Variants in TCF15 observed in about 807,000 individuals in gnomAD.
TCF15 encodes the protein TCF-15.
Under a neutral mutation model 11.1 loss-of-function variants are expected in TCF15, and 7 were observed. That is an observed-to-expected ratio of 0.63 (90% CI 0.36 to 1.19). The LOEUF is 1.19. TCF15 is among the 50% of genes most tolerant of loss of function. The pLI is 0.02. For missense variants in TCF15, 288 were observed against 289.4 expected, an observed-to-expected ratio of 1.00 and a Z score of 0.03; for synonymous variants, 144 against 138.9, an observed-to-expected ratio of 1.04 and a Z score of -0.26.
Position 610,155 on chromosome 20 carries a change from C to A in TCF15, c.83G>T (p.Arg28Leu), listed in dbSNP as rs1282936580. 2 of 1,042,972 alleles carry A rather than the reference C, an allele frequency of 1.9e-6. No homozygotes were observed. Among genetic ancestry groups the A allele is most frequent in the South Asian group, 2.9e-5 (1 of 33,944 alleles). The allele number at this position is 1,042,972 out of a possible 1,614,324, so 64.6% of individuals were successfully genotyped here. The change falls in exon 1 of 2, where the codon CGC (arginine) becomes CTC (leucine). Residue 28 changes from arginine (R) to leucine (L), a missense_variant. Physicochemically the swap from Arg to Leu is moderately radical, Grantham distance 102. Coordinates refer to ENST00000246080, the MANE Select transcript of TCF15 (RefSeq NM_004609.4). ...VRLLSEDEEN[R>L]SESDASDQSF... is the part of the protein sequence containing the mutation. ...CTGGTCCGACGCGTCGCTCTCGCTGCGGTTCTCCTCGTCCTCGCTCAGCAG... is the reference window on the plus strand; with the variant it reads ...CTGGTCCGACGCGTCGCTCTCGCTGAGGTTCTCCTCGTCCTCGCTCAGCAG...
At chr20:607,735 C>G (rs1272780378) in intron 1 of TCF15, among the ~76,000 whole-genome samples, 1 of 152,192 alleles carries the variant, frequency 6.6e-6, no homozygotes, top group Non-Finnish European at 1.5e-5. Flanking sequence ...ATGACAGTTA[C>G]AGGGACTTCC....
intron 1 of TCF15, among the ~76,000 whole-genome samples, chr20:608,166 T>C (rs2019992218): frequency 6.6e-6 from 1 of 152,146 alleles, no homozygotes; most frequent in Non-Finnish European, 1.5e-5. Context: ...TTCTCTGGGC[T>C]CTGAGAATCC....
chr20:607,887 G>T (rs1216260564), intron 1 of TCF15, among the ~76,000 whole-genome samples: 4 of 152,204 alleles, frequency 2.6e-5, no homozygotes, highest in African/African-American at 9.7e-5. Flanking sequence ...GCTGTTGCAG[G>T]ATTTTAATGA....
rs2019954510 is a variant in TCF15, at chr20:604,354, C to A, written c.*237G>T. ...ACACACACACCCTGTCACCAACAGT[C>A]TTTGTTTTTCCAAAAGTTCTGCCTT... On this transcript the variant is annotated 3_prime_UTR_variant, in exon 2 of 2. Transcript: ENST00000246080. This position sits in a 1 kb window ranked among gnomAD's most constrained non-coding sequence, Gnocchi z 4.2. 3.4e-6 allele frequency: 2 copies of A among 591,748 alleles called. No individual in the cohort carries two copies. Among genetic ancestry groups the A allele is most frequent in the South Asian group, 4.0e-5 (2 of 50,486 alleles). 36.7% of individuals were successfully genotyped at this position (591,748 alleles called of 1,614,324 possible).
chr20:604,619 A>G lies in TCF15; in HGVS notation c.572T>C (p.Val191Ala). 1 of 1,551,338 alleles carries G rather than the reference A, an allele frequency of 6.4e-7. No individual in the cohort carries two copies. Among genetic ancestry groups the G allele is most frequent in the Non-Finnish European group, 8.7e-7 (1 of 1,147,448 alleles). Residue 191 changes from valine to alanine, a missense_variant, in exon 2 of 2, where the codon GTG becomes GCG. Val to Ala is a moderately conservative substitution (Grantham distance 64). Transcript: ENST00000246080. The surrounding 1 kb of genome is among the most constrained non-coding windows in gnomAD (Gnocchi z 4.2). ...TCTCCGTGGCCCTCGAAGGGGGGCC[A>G]CCCCCCTCACCTTCAAGCAGCTGCC... Reference protein sequence around the residue: ...LGGSCLKVRGVAPLRGPRR With the variant: ...LGGSCLKVRGAAPLRGPRR
chr20:604,454 G>C lies in TCF15; in HGVS notation c.*137C>G. The C allele has an allele frequency of 1.3e-6, 1 of 787,818 alleles. No individual in the cohort carries two copies. Among genetic ancestry groups the C allele is most frequent in the Non-Finnish European group, 2.2e-6 (1 of 462,800 alleles). The allele number at this position is 787,818 out of a possible 1,614,324, so 48.8% of individuals were successfully genotyped here. ...CCAGGATCGGGTGGAGATGTCCCGAGGGCCCTGCCCAGAGTGTCCCGGAAC... is the reference window on the plus strand; with the variant it reads ...CCAGGATCGGGTGGAGATGTCCCGACGGCCCTGCCCAGAGTGTCCCGGAAC... On this transcript the variant is annotated 3_prime_UTR_variant, in exon 2 of 2. Coordinates refer to ENST00000246080, the MANE Select transcript of TCF15 (RefSeq NM_004609.4). The surrounding 1 kb of genome is among the most constrained non-coding windows in gnomAD (Gnocchi z 4.2).
Position 604,621 on chromosome 20 carries a change from C to T in TCF15, c.570G>A (p.Gly190=), listed in dbSNP as rs1481788990. Residue 190 remains glycine (G), a synonymous_variant, in exon 2 of 2, where the codon GGG becomes GGA. Transcript: ENST00000246080. The surrounding 1 kb of genome is among the most constrained non-coding windows in gnomAD (Gnocchi z 4.2). ...TCCGTGGCCCTCGAAGGGGGGCCAC[C>T]CCCCTCACCTTCAAGCAGCTGCCCC... The part of the protein sequence containing the change: ...DLGGSCLKVR[G]VAPLRGPRR 1 of 1,553,854 alleles carries T rather than the reference C, an allele frequency of 6.4e-7. No individual in the cohort carries two copies. The highest frequency in any genetic ancestry group is 1.4e-5 in the African/African-American group (1 of 73,104).
chr20:609,383 G>A lies in TCF15; in HGVS notation c.525+330C>T, dbSNP rs1600450531. 6.6e-6 allele frequency among the ~76,000 whole-genome samples: 1 copy of A among 152,228 alleles called. No individual in the cohort carries two copies. The highest frequency in any genetic ancestry group is 6.5e-5 in the Admixed American group (1 of 15,286). On this transcript the variant is annotated intron_variant, in intron 1 of 1. Transcript: ENST00000246080. This position sits in a 1 kb window ranked among gnomAD's most constrained non-coding sequence, Gnocchi z 4.7. ...GGATGTGGAGCGCATCGGCACAGAG[G>A]AAGACTCCATAAAAGATGGGTCTTT...
intron 1 of TCF15, among the ~76,000 whole-genome samples, chr20:608,541 G>A (rs1219281144): frequency 1.3e-5 from 2 of 152,188 alleles, no homozygotes; most frequent in Non-Finnish European, 2.9e-5. Flanking sequence ...GAAGACCGAC[G>A]ATTCAGGGCA....
chr20:605,340 G>A (rs2019964489), intron 1 of TCF15, among the ~76,000 whole-genome samples: 1 of 152,208 alleles, frequency 6.6e-6, no homozygotes, highest in African/African-American at 2.4e-5. Flanking sequence ...CCTTTAAAAG[G>A]GGACTCGGTT....
At position 604,551 on chromosome 20, in the gene TCF15, C is replaced by G. The variant is rs1408084338; in HGVS notation, c.*40G>C. 1.3e-6 allele frequency: 2 copies of G among 1,535,350 alleles called. No homozygotes were observed. The highest frequency in any genetic ancestry group is 2.7e-5 in the African/African-American group (2 of 72,836). ...TCCTGGGGTCTTCTTCCCTGTCCAG[C>G]CAGTGGCTGGCTCCTGGCCTCCTTC... On this transcript the variant is annotated 3_prime_UTR_variant, in exon 2 of 2. Coordinates refer to ENST00000246080, the MANE Select transcript of TCF15 (RefSeq NM_004609.4). The surrounding 1 kb of genome is among the most constrained non-coding windows in gnomAD (Gnocchi z 4.2).
Position 604,795 on chromosome 20 carries a change from CAACAGAA to C in TCF15, c.526-137_526-131del. 1.3e-6 allele frequency: 1 copy of C among 749,338 alleles called. No homozygotes were observed. Among genetic ancestry groups the C allele is most frequent in the Non-Finnish European group, 2.2e-6 (1 of 463,768 alleles). 46.4% of individuals were successfully genotyped at this position (749,338 alleles called of 1,614,324 possible). A position where few individuals can be genotyped will look rare whatever the true frequency, so the allele number is the denominator to read the frequency against. The stretch of plus-strand genomic sequence containing the variant: ...TTCAGCCACACGATCAAGTTCTCTG[CAACAGAA>C]AGCAGAAGAAACCCTTTCTGGACTG... On this transcript the variant is annotated intron_variant, in intron 1 of 1. Coordinates refer to ENST00000246080, the MANE Select transcript of TCF15 (RefSeq NM_004609.4). The surrounding 1 kb of genome is among the most constrained non-coding windows in gnomAD (Gnocchi z 4.2).
chr20:608,943 C>T (rs974838392), intron 1 of TCF15, among the ~76,000 whole-genome samples: 4 of 152,222 alleles, frequency 2.6e-5, no homozygotes, highest in African/African-American at 9.6e-5. Context: ...CCGCCCACCC[C>T]TACCAGCCTG....
Position 609,464 on chromosome 20 carries a change from C to A in TCF15, c.525+249G>T, listed in dbSNP as rs995375737. On this transcript the variant is annotated intron_variant, in intron 1 of 1. Coordinates refer to ENST00000246080, the MANE Select transcript of TCF15 (RefSeq NM_004609.4). This position sits in a 1 kb window ranked among gnomAD's most constrained non-coding sequence, Gnocchi z 4.7. The stretch of plus-strand genomic sequence containing the variant: ...AGGAAGGAAGTTCCAGCACACCTTT[C>A]GTTGGAGGGGATATCCCACACTGAG... Among the ~76,000 whole-genome samples the A allele has an allele frequency of 2.0e-5, 3 of 152,182 alleles. No individual in the cohort carries two copies. Among genetic ancestry groups the A allele is most frequent in the Non-Finnish European group, 4.4e-5 (3 of 68,038 alleles).
chr20:605,506 AG>A, intron 1 of TCF15, among the ~76,000 whole-genome samples: 1 of 152,366 alleles, frequency 6.6e-6, no homozygotes, highest in East Asian at 1.9e-4. Context: ...AGGACAAGGC[AG>A]GGTCTCTCCT....
rs370108505 is a variant in TCF15, at chr20:610,047, C to T, written c.191G>A (p.Gly64Asp). 2.3e-5 allele frequency: 26 copies of T among 1,126,022 alleles called. No homozygotes were observed. The East Asian group carries it at 3.6e-4, about 15-fold the overall frequency. The allele number at this position is 1,126,022 out of a possible 1,614,324, so 69.8% of individuals were successfully genotyped here. A position where few individuals can be genotyped will look rare whatever the true frequency, so the allele number is the denominator to read the frequency against. The change falls in exon 1 of 2, where the codon GGC becomes GAC. Residue 64 changes from glycine (G) to aspartate (D), a missense_variant. Gly to Asp is a moderately conservative substitution (Grantham distance 94, BLOSUM62 -1). Transcript: ENST00000246080. ...GGGRRAGGGGGAGPVVVVRQR... is the reference protein window; with the variant it reads ...GGGRRAGGGGDAGPVVVVRQR... The stretch of plus-strand genomic sequence containing the variant: ...TCGCACCACCACCACGGGGCCCGCG[C>T]CGCCGCCGCCGCCCGCCCGCCGCCC...
At chr20:607,468 G>A (rs1195597739) in intron 1 of TCF15, among the ~76,000 whole-genome samples, 1 of 152,210 alleles carries the variant, frequency 6.6e-6, no homozygotes, top group African/African-American at 2.4e-5. Context: ...GGGAGCAAGA[G>A]CTCCCCAAGC....
Position 610,289 on chromosome 20 carries a change from C to G in TCF15, c.-52G>C, listed in dbSNP as rs2020015124. 3.0e-6 allele frequency: 3 copies of G among 986,618 alleles called. No individual in the cohort carries two copies. Among genetic ancestry groups the G allele is most frequent in the Non-Finnish European group, 3.6e-6 (3 of 831,230 alleles). The allele number at this position is 986,618 out of a possible 1,614,324, so 61.1% of individuals were successfully genotyped here. ...CCGCGTCCCAGCGTCGGCCGCGCCC[C>G]GCCGTGCGCTCCCGCGCGCTCCCAC... On this transcript the variant is annotated 5_prime_UTR_variant, in exon 1 of 2. Transcript: ENST00000246080.
chr20:606,520 G>A (rs923081244), intron 1 of TCF15, among the ~76,000 whole-genome samples: 1 of 152,182 alleles, frequency 6.6e-6, no homozygotes, highest in African/African-American at 2.4e-5. Flanking sequence ...AGTGTACTTA[G>A]AAGAGGTCTT....
Sources: gnomAD v4.1 joint callset for allele counts (sites outside exome capture counted in the v4.1 genomes callset) on GRCh38, gnomAD v4.1.1 for gene constraint, Gnocchi (gnomAD v3.1) non-coding constraint, MANE v1.5 for transcripts, NCBI Gene and HGNC (gene_info 2026-07-23, HGNC 2026-07-21) for gene names.